Variants in STARD8 observed in about 807,000 individuals in gnomAD.
STARD8 encodes stAR-related lipid transfer protein 8.
STARD8 carries 25 observed loss-of-function variants against 69.4 expected under a neutral mutation model. The ratio of observed to expected loss-of-function variants is 0.36; its 90% CI spans 0.26 to 0.50. The LOEUF (loss-of-function observed/expected upper bound fraction) is 0.50. Among genes scored for constraint, STARD8 ranks in the 20% least tolerant of loss-of-function variants. The probability of loss-of-function intolerance (pLI) is 0.96; values close to 1 mark genes in which losing one functional copy is unlikely to be tolerated. For missense variants in STARD8, 921 were observed against 932.5 expected, an observed-to-expected ratio of 0.99 and a Z score of 0.16; for synonymous variants, 389 against 374.6, an observed-to-expected ratio of 1.04 and a Z score of -0.45.
At position 68,710,297 on chromosome X, in the gene STARD8, A is replaced by G. The variant is rs777319112; in HGVS notation, c.80-2617A>G. On this transcript the variant is annotated intron_variant, in intron 2 of 14. Coordinates refer to ENST00000374599, the MANE Select transcript of STARD8 (RefSeq NM_001142503.3). ...GCCTTCTGGGGAAGGGGCCCTGGGC[A>G]CTGGTATTTTTTAAAATAACACTTC... Among the ~76,000 whole-genome samples the G allele has an allele frequency of 2.8e-3, 319 of 112,450 alleles. 1 individual carries two copies. Among genetic ancestry groups the G allele is most frequent in the African/African-American group, 9.5e-3 (295 of 30,972 alleles).
intron 1 of STARD8, among the ~76,000 whole-genome samples, chrX:68,649,433 G>A (rs190429027): frequency 1.2e-3 from 133 of 110,008 alleles, no homozygotes; most frequent in African/African-American, 4.1e-3. Flanking sequence ...TGGATTCATG[G>A]TCCTCATCTA....
intron 1 of STARD8, among the ~76,000 whole-genome samples, chrX:68,660,516 G>A (rs144958917): frequency 0.012 from 1,325 of 111,554 alleles, 9 homozygotes; most frequent in South Asian, 0.027. Flanking sequence ...AAGTGGCACC[G>A]TGACACCAGT....
chrX:68,715,059 C>T (rs912649363), intron 3 of STARD8, among the ~76,000 whole-genome samples: 1 of 110,949 alleles, frequency 9.0e-6, no homozygotes, highest in African/African-American at 3.4e-5. Context: ...TCCCATGGAC[C>T]TGCCTTACTG....
intron 2 of STARD8, among the ~76,000 whole-genome samples, chrX:68,711,386 G>T (rs758577944): frequency 9.0e-6 from 1 of 111,670 alleles, no homozygotes; most frequent in South Asian, 3.7e-4. Context: ...TCATGGACAT[G>T]AGCAGATTTG....
chrX:68,672,993 CAA>C (rs1001846247), intron 2 of STARD8, among the ~76,000 whole-genome samples: 2 of 111,640 alleles, frequency 1.8e-5, no homozygotes, highest in African/African-American at 6.5e-5. Flanking sequence ...AAACAAAACA[CAA>C]AACCCTTCAA....
At chrX:68,710,447 G>A (rs1300615071) in intron 2 of STARD8, among the ~76,000 whole-genome samples, 1 of 112,363 alleles carries the variant, frequency 8.9e-6, no homozygotes, top group Non-Finnish European at 1.9e-5. Context: ...TGGGTGTGGG[G>A]CTTGGGATTC....
chrX:68,717,656 T>A lies in STARD8; in HGVS notation c.742T>A (p.Cys248Ser). The A allele has an allele frequency of 8.3e-7, 1 of 1,211,899 alleles. No individual in the cohort carries two copies. The highest frequency in any genetic ancestry group is 1.1e-6 in the Non-Finnish European group (1 of 895,522). ...CTCCAAAGCCTCATCTTTCCGCAGTTGTCGTGGCTTCCTCTCAGCTGGATT... is the reference window on the plus strand; with the variant it reads ...CTCCAAAGCCTCATCTTTCCGCAGTAGTCGTGGCTTCCTCTCAGCTGGATT... ...KVSKASSFRS[C>S]RGFLSAGFYR... The change falls in exon 6 of 15, where the codon TGT becomes AGT. Residue 248 changes from cysteine to serine, a missense_variant. Transcript: ENST00000374599.
intron 1 of STARD8, among the ~76,000 whole-genome samples, chrX:68,659,337 G>A (rs1164414284): frequency 8.9e-6 from 1 of 111,966 alleles, no homozygotes; most frequent in Non-Finnish European, 1.9e-5. Context: ...TCATTCCCTG[G>A]CTGAGGAGAG....
intron 2 of STARD8, among the ~76,000 whole-genome samples, chrX:68,694,659 C>T (rs1411676672): frequency 9.0e-6 from 1 of 111,274 alleles, no homozygotes. Context: ...ATCTAAAGGG[C>T]CCGGTCTCTT....
At chrX:68,660,542 C>A (rs1245237791) in intron 1 of STARD8, among the ~76,000 whole-genome samples, 1 of 111,898 alleles carries the variant, frequency 8.9e-6, no homozygotes, top group Non-Finnish European at 1.9e-5. Context: ...AACTTAGGAC[C>A]TGGTGGCAGG....
intron 1 of STARD8, among the ~76,000 whole-genome samples, chrX:68,652,880 C>CACACACACACCACA (rs1569350778): frequency 1.8e-5 from 1 of 55,129 alleles, no homozygotes; most frequent in Non-Finnish European, 3.3e-5. Flanking sequence ...CACCCACACC[C>CACACACACACCACA]CACACACACA....
At chrX:68,681,438 T>C (rs953635598) in intron 2 of STARD8, among the ~76,000 whole-genome samples, 1 of 112,498 alleles carries the variant, frequency 8.9e-6, no homozygotes, top group Non-Finnish European at 1.9e-5. Flanking sequence ...ACACAGCTAC[T>C]GAATGGCAGA....
rs145040063 is a variant in STARD8, at chrX:68,661,036, G to T, written c.46-4463G>T. On this transcript the variant is annotated intron_variant, in intron 1 of 14. Coordinates refer to ENST00000374599, the MANE Select transcript of STARD8 (RefSeq NM_001142503.3). ...AGGCCTGGGTCTATGGCACAGGACT[G>T]GCTAGGAGTGAGGGGTGGGGATGTT... is the stretch of plus-strand genomic sequence containing the variant. 6.1e-3 allele frequency among the ~76,000 whole-genome samples: 683 copies of T among 111,881 alleles called. 3 individuals carry two copies. Among genetic ancestry groups the T allele is most frequent in the African/African-American group, 0.021 (655 of 30,774 alleles).
chrX:68,651,247 A>G (rs151078977), intron 1 of STARD8, among the ~76,000 whole-genome samples: 1,254 of 112,692 alleles, frequency 0.011, 12 homozygotes, highest in African/African-American at 0.039. Context: ...AAGCATGCAC[A>G]CGGCGTGAAG....
chrX:68,684,205 C>T (rs1236731793), intron 2 of STARD8, among the ~76,000 whole-genome samples: 1 of 112,516 alleles, frequency 8.9e-6, no homozygotes, highest in African/African-American at 3.2e-5. Context: ...TAAGGTGCCC[C>T]CTCTCCTCCT....
chrX:68,720,332 C>T lies in STARD8; in HGVS notation c.1958C>T (p.Pro653Leu). The change falls in exon 8 of 15, where the codon CCA becomes CTA. Residue 653 changes from proline (P) to leucine (L), a missense_variant. Physicochemically the swap from Pro to Leu is moderately conservative, Grantham distance 98. Coordinates refer to ENST00000374599, the MANE Select transcript of STARD8 (RefSeq NM_001142503.3). ...CGGGGACAGCACGTATTTGGGGTGC[C>T]ACCCCTCATCCACGTGCAGCGCACG... is the stretch of plus-strand genomic sequence containing the variant. ...DYRGQHVFGV[P>L]PLIHVQRTGQ... is the part of the protein sequence containing the mutation. The T allele has an allele frequency of 8.3e-7, 1 of 1,207,402 alleles. No individual in the cohort carries two copies. Among genetic ancestry groups the T allele is most frequent in the South Asian group, 1.8e-5 (1 of 55,940 alleles).
At chrX:68,653,070 C>A (rs997983376) in intron 1 of STARD8, among the ~76,000 whole-genome samples, 2 of 16,746 alleles carry the variant, frequency 1.2e-4, no homozygotes, top group Admixed American at 6.4e-4. Context: ...CACCACACAC[C>A]ACACACACAC....
At position 68,723,794 on chromosome X, in the gene STARD8, G is replaced by T; in HGVS notation, c.2968G>T (p.Val990Phe). The T allele has an allele frequency of 2.5e-6, 3 of 1,181,044 alleles. No homozygotes were observed. The highest frequency in any genetic ancestry group is 3.4e-6 in the Non-Finnish European group (3 of 880,040). Residue 990 changes from valine to phenylalanine, a missense_variant, in exon 13 of 15, where the codon GTC becomes TTC. Val to Phe is a conservative substitution (Grantham distance 50). Transcript: ENST00000374599. ...LMPGVELYHY[V>F]TDSMAPHPCR... ...GCCGGGTGTGGAGCTGTACCACTAT[G>T]TCACCGACAGCATGGCACCCCATCC...
At chrX:68,698,721 G>A (rs2147911689) in intron 2 of STARD8, among the ~76,000 whole-genome samples, 1 of 110,684 alleles carries the variant, frequency 9.0e-6, no homozygotes, top group African/African-American at 3.3e-5. Flanking sequence ...TACAGAGTTG[G>A]GAAACGGCTT....
Sources: gnomAD v4.1 joint callset for allele counts (sites outside exome capture counted in the v4.1 genomes callset) on GRCh38, gnomAD v4.1.1 for gene constraint, MANE v1.5 for transcripts, NCBI Gene and HGNC (gene_info 2026-07-23, HGNC 2026-07-21) for gene names.